The following ARID4B variants were observed in gnomAD, a reference collection of about 807,000 sequenced individuals.
The protein encoded by ARID4B is AT-rich interactive domain-containing protein 4B.
Under a neutral mutation model 147.5 loss-of-function variants are expected in ARID4B, and 26 were observed. The ratio of observed to expected loss-of-function variants is 0.18; its 90% CI spans 0.13 to 0.24. The LOEUF (loss-of-function observed/expected upper bound fraction) is 0.24. Among genes scored for constraint, ARID4B ranks in the 10% least tolerant of loss-of-function variants. The pLI, the probability that ARID4B is intolerant of heterozygous loss-of-function variation, is 1.00. For missense variants in ARID4B, 1,179 were observed against 1,511.5 expected (o/e 0.78, Z 3.65); for synonymous variants, 512 against 507.9 (o/e 1.01, Z -0.11).
At chr1:235,217,886 T>C (rs114264684) in intron 16 of ARID4B, among the ~76,000 whole-genome samples, 3,332 of 152,284 alleles carry the variant, frequency 0.022, 53 homozygotes, top group Middle Eastern at 0.061. Context: ...AGATCCCCAG[T>C]GGATGCCTGA....
intron 11 of ARID4B, among the ~76,000 whole-genome samples, chr1:235,227,630 G>A (rs1462620331): frequency 6.6e-6 from 1 of 151,976 alleles, no homozygotes; most frequent in Non-Finnish European, 1.5e-5. Flanking sequence ...CTTTTACGAG[G>A]CTGTTCAGCA....
intron 18 of ARID4B, among the ~76,000 whole-genome samples, chr1:235,195,118 G>T (rs2102962508): frequency 6.6e-6 from 1 of 152,176 alleles, no homozygotes; most frequent in South Asian, 2.1e-4. Context: ...TATAAATTTT[G>T]AGTGAGAGTA....
At chr1:235,321,313 C>T (rs564071844) in intron 2 of ARID4B, among the ~76,000 whole-genome samples, 2 of 152,250 alleles carry the variant, frequency 1.3e-5, no homozygotes, top group Admixed American at 6.5e-5. Flanking sequence ...TCTTAAATCC[C>T]TTCAAATATC....
rs1670040923 is a variant in ARID4B, at chr1:235,257,240, T to G, written c.118-15A>C. 3 of 1,591,174 alleles carry G rather than the reference T, an allele frequency of 1.9e-6. No individual in the cohort carries two copies. The highest frequency in any genetic ancestry group is 2.6e-6 in the Non-Finnish European group (3 of 1,160,190). On this transcript the variant is annotated splice_polypyrimidine_tract_variant and intron_variant, in intron 3 of 23. Transcript: ENST00000264183. The stretch of plus-strand genomic sequence containing the variant: ...CTAAATGTCACCTAGAGATTATAAG[T>G]TTAATTAGCCACCAAAAATAAACCA...
chr1:235,324,410 T>C (rs189907703), intron 2 of ARID4B, among the ~76,000 whole-genome samples: 64 of 152,326 alleles, frequency 4.2e-4, no homozygotes, highest in African/African-American at 1.5e-3. Context: ...AGGTAGTACA[T>C]GGGAAAACTG....
intron 17 of ARID4B, among the ~76,000 whole-genome samples, chr1:235,210,686 G>A (rs1288707991): frequency 6.6e-6 from 1 of 152,134 alleles, no homozygotes; most frequent in East Asian, 1.9e-4. Context: ...AAGATGTTAA[G>A]TTTTCTTCTT....
Position 235,238,446 on chromosome 1 carries a change from A to AT in ARID4B, c.585+1866dup, listed in dbSNP as rs1256145239. Among the ~76,000 whole-genome samples the AT allele has an allele frequency of 4.6e-5, 7 of 152,368 alleles. No homozygotes were observed. The East Asian group carries it at 1.3e-3, about 29-fold the overall frequency. On this transcript the variant is annotated intron_variant, in intron 8 of 23. Coordinates refer to ENST00000264183, the MANE Select transcript of ARID4B (RefSeq NM_016374.6). ...ATTTTGACCCATTCTGTCTCTCGAT[A>AT]TTTGAGAACAAATTAGTTGTCAAAC...
At position 235,219,886 on chromosome 1, in the gene ARID4B, T is replaced by C; in HGVS notation, c.1490A>G (p.Asn497Ser). 1 of 1,602,820 alleles carries C rather than the reference T, an allele frequency of 6.2e-7. No individual in the cohort carries two copies. Among genetic ancestry groups the C allele is most frequent in the Non-Finnish European group, 8.5e-7 (1 of 1,171,822 alleles). ...ATCATCTTTGTCATCCAGATTTTCA[T>C]TGTCTTCTGGTTTTTTAATGTTAAC... Reference protein sequence around the residue: ...KEVNIKKPEDNENLDDKDDDT... With the variant: ...KEVNIKKPEDSENLDDKDDDT... The change falls in exon 16 of 24, where the codon AAT becomes AGT. Residue 497 changes from asparagine to serine, a missense_variant. Around this residue, in one of 10 missense-constraint regions of ARID4B, gnomAD observed 204 missense variants for 210.9 expected, o/e 0.97. Coordinates refer to ENST00000264183, the MANE Select transcript of ARID4B (RefSeq NM_016374.6).
chr1:235,319,519 T>A (rs1050634782), intron 2 of ARID4B, among the ~76,000 whole-genome samples: 11 of 152,010 alleles, frequency 7.2e-5, no homozygotes, highest in African/African-American at 2.2e-4. Context: ...TCAAAAAAAA[T>A]AAAATAAAAG....
In ARID4B at chr1:235,196,102, T is replaced by C. The variant is rs777788132; in HGVS notation, c.1855A>G (p.Ile619Val). 1.3e-6 allele frequency: 2 copies of C among 1,565,906 alleles called. No individual in the cohort carries two copies. The highest frequency in any genetic ancestry group is 1.2e-5 in the South Asian group (1 of 85,814). Residue 619 changes from isoleucine (I) to valine (V), a missense_variant, in exon 18 of 24, where the codon ATT becomes GTT. By Grantham distance (29) the Ile-to-Val change is conservative (BLOSUM62 3). Coordinates refer to ENST00000264183, the MANE Select transcript of ARID4B (RefSeq NM_016374.6). ...GGTCTTACTATTTTATCTGCTTTAA[T>C]CCATTCATCGTATCTAAAATTAAAG... ...CGWNVRYDEWIKADKIVRPAD... is the reference protein window; with the variant it reads ...CGWNVRYDEWVKADKIVRPAD...
At chr1:235,269,337 G>A (rs1013018370) in intron 2 of ARID4B, among the ~76,000 whole-genome samples, 7 of 152,192 alleles carry the variant, frequency 4.6e-5, no homozygotes, top group Non-Finnish European at 2.9e-5. Context: ...GTGGTTTGAT[G>A]AACAGAATAT....
Position 235,231,120 on chromosome 1 carries a change from T to C in ARID4B, c.735A>G (p.Leu245=). Residue 245 remains leucine, a synonymous_variant, in exon 10 of 24, where the codon TTA becomes TTG. Transcript: ENST00000264183. ...TTCCAAGATTATCCTTACCTTGCTTTAAAACAGCATCAGGCTTTGGTGCAG... is the reference window on the plus strand; with the variant it reads ...TTCCAAGATTATCCTTACCTTGCTTCAAAACAGCATCAGGCTTTGGTGCAG... ...SDTAPKPDAV[L]KQAFEQALEF... The C allele has an allele frequency of 6.3e-7, 1 of 1,583,214 alleles. No individual in the cohort carries two copies. The highest frequency in any genetic ancestry group is 2.3e-5 in the East Asian group (1 of 44,092).
intron 1 of ARID4B, chr1:235,327,358 C>A (rs1443465533): frequency 6.5e-6 from 1 of 152,842 alleles, no homozygotes; most frequent in Non-Finnish European, 1.5e-5. Flanking sequence ...AGAGGCCGGC[C>A]GGGGGCCACC....
chr1:235,290,704 G>T (rs2103209552), intron 2 of ARID4B, among the ~76,000 whole-genome samples: 1 of 152,314 alleles, frequency 6.6e-6, no homozygotes, highest in East Asian at 1.9e-4. Flanking sequence ...CTGGACATGG[G>T]CATGAAAGAC....
intron 20 of ARID4B, among the ~76,000 whole-genome samples, chr1:235,179,492 C>CA (rs1326269215): frequency 7.6e-6 from 1 of 130,862 alleles, no homozygotes; most frequent in Non-Finnish European, 1.5e-5. Flanking sequence ...CACTGCACTC[C>CA]AGCCTGGGCA....
intron 2 of ARID4B, among the ~76,000 whole-genome samples, chr1:235,301,152 T>C (rs576081303): frequency 4.7e-4 from 70 of 150,328 alleles, no homozygotes; most frequent in African/African-American, 1.6e-3. Context: ...TCCCAAAGTG[T>C]TGGGATTATA....
chr1:235,258,609 A>G (rs1208100413), intron 3 of ARID4B, among the ~76,000 whole-genome samples: 1 of 152,212 alleles, frequency 6.6e-6, no homozygotes, highest in Non-Finnish European at 1.5e-5. Flanking sequence ...AACAAGGGAA[A>G]AGAGTTCTTA....
intron 2 of ARID4B, among the ~76,000 whole-genome samples, chr1:235,322,252 T>C (rs949420833): frequency 1.3e-5 from 2 of 151,516 alleles, no homozygotes; most frequent in Admixed American, 1.3e-4. Context: ...GGTATAGAAC[T>C]CAGGTGATCC....
intron 17 of ARID4B, among the ~76,000 whole-genome samples, chr1:235,196,476 C>T (rs1665497157): frequency 6.6e-6 from 1 of 152,134 alleles, no homozygotes; most frequent in African/African-American, 2.4e-5. Context: ...CATTCTTAAG[C>T]AGCAGGTAGG....
Sources: allele counts gnomAD v4.1 joint callset (sites outside exome capture counted in the v4.1 genomes callset), GRCh38; gene constraint gnomAD v4.1.1; regional missense constraint gnomAD v4.1.1; transcripts MANE v1.5; gene names NCBI Gene and HGNC (gene_info 2026-07-23, HGNC 2026-07-21).